Variants in OCA2 observed in about 807,000 individuals in gnomAD.
OCA2 encodes the protein P protein.
In OCA2, 77 loss-of-function variants were observed where a neutral mutation model predicts 100.2. The observed-to-expected ratio is 0.77, with a 90% CI of 0.64 to 0.93. The LOEUF (loss-of-function observed/expected upper bound fraction) is 0.93, where lower values mean the gene tolerates loss of function less well. Among genes scored for constraint, OCA2 ranks in the 40% least tolerant of loss-of-function variants. The probability of loss-of-function intolerance (pLI) is 0.00; values close to 1 mark genes in which losing one functional copy is unlikely to be tolerated. For synonymous variants in OCA2, 432 were observed against 439.2 expected, an observed-to-expected ratio of 0.98 and a Z score of 0.21; for missense variants, 1,062 against 1,089.1, an observed-to-expected ratio of 0.98 and a Z score of 0.35.
intron 9 of OCA2, among the ~76,000 whole-genome samples, chr15:28,001,532 T>TTC (rs996904788): frequency 5.6e-4 from 86 of 152,300 alleles, no homozygotes; most frequent in African/African-American, 2.0e-3. Context: ...TTGGATTTAA[T>TTC]TCTACATTTC....
Position 27,913,891 on chromosome 15 carries a change from G to GAAAGAA in OCA2, c.2079+12235_2079+12236insTTCTTT, listed in dbSNP as rs1567098419. ...AGAAAGAAAGAAAGAAAGAAAGAAA[G>GAAAGAA]AAAGCAAGCAAGCAAGCAAGCAAGC... On this transcript the variant is annotated intron_variant, in intron 19 of 23. Coordinates refer to ENST00000354638, the MANE Select transcript of OCA2 (RefSeq NM_000275.3). Among the ~76,000 whole-genome samples the GAAAGAA allele has an allele frequency of 4.6e-3, 194 of 42,044 alleles. 12 individuals are homozygous for GAAAGAA. Among genetic ancestry groups the GAAAGAA allele is most frequent in the East Asian group, 0.019 (5 of 264 alleles). 27.6% of individuals were successfully genotyped at this position (42,044 alleles called of 152,430 possible).
At chr15:27,941,747 T>C (rs183973106) in intron 18 of OCA2, among the ~76,000 whole-genome samples, 5 of 152,284 alleles carry the variant, frequency 3.3e-5, no homozygotes, top group Admixed American at 6.5e-5. Context: ...GAGATTCAAA[T>C]GGGCAAAAAT....
the OCA2 span, among the ~76,000 whole-genome samples, chr15:27,734,921 C>T: frequency 1.3e-5 from 2 of 152,280 alleles, no homozygotes; most frequent in African/African-American, 4.8e-5. Context: ...TTGAAATGCA[C>T]AAACATCAAC....
Position 27,871,856 on chromosome 15 carries a change from A to G in OCA2, c.2139+7T>C. The G allele has an allele frequency of 1.3e-6, 2 of 1,574,674 alleles. No individual in the cohort carries two copies. The highest frequency in any genetic ancestry group is 1.7e-6 in the Non-Finnish European group (2 of 1,145,430). On this transcript the variant is annotated splice_region_variant and intron_variant, in intron 20 of 23. Coordinates refer to ENST00000354638, the MANE Select transcript of OCA2 (RefSeq NM_000275.3). ...TGGAGTGCCTTCTATTATAGCATTT[A>G]TTTTACCTTTATTAGCAAAGCAGTT...
At chr15:27,885,831 G>T (rs1348999930) in intron 19 of OCA2, among the ~76,000 whole-genome samples, 6 of 152,192 alleles carry the variant, frequency 3.9e-5, no homozygotes, top group African/African-American at 9.7e-5. Context: ...ACACACATTT[G>T]CTGATCTCCT....
At chr15:27,951,695 T>G (rs539472276) in intron 18 of OCA2, 89 bp downstream of exon 18, 2 of 980,318 alleles carry the variant, frequency 2.0e-6, no homozygotes, top group Admixed American at 3.8e-5. Context: ...CGGCTGCCTG[T>G]GGGCAAAGTC....
At chr15:27,737,022 CA>C in the OCA2 span, among the ~76,000 whole-genome samples, 2 of 151,998 alleles carry the variant, frequency 1.3e-5, no homozygotes, top group African/African-American at 2.4e-5. Context: ...CCAACACATA[CA>C]AAAAAATCAA....
At chr15:27,769,527 C>T (rs566887929) in intron 23 of OCA2, among the ~76,000 whole-genome samples, 3 of 152,076 alleles carry the variant, frequency 2.0e-5, no homozygotes, top group Non-Finnish European at 4.4e-5. Context: ...CAAAAGACTA[C>T]ACATTGGGTG....
intron 2 of OCA2, among the ~76,000 whole-genome samples, chr15:28,060,721 T>C (rs2043847958): frequency 6.6e-6 from 1 of 152,236 alleles, no homozygotes; most frequent in South Asian, 2.1e-4. Context: ...CTTGCTCTAC[T>C]GCCATATCCC....
At chr15:28,074,795 C>G (rs2044380667) in intron 2 of OCA2, among the ~76,000 whole-genome samples, 1 of 151,766 alleles carries the variant, frequency 6.6e-6, no homozygotes, top group South Asian at 2.1e-4. Context: ...TGCAGTAAGC[C>G]GAGATAACAC....
At chr15:28,025,778 T>C (rs1216528611) in intron 4 of OCA2, among the ~76,000 whole-genome samples, 1 of 152,266 alleles carries the variant, frequency 6.6e-6, no homozygotes, top group African/African-American at 2.4e-5. Context: ...AGGATGCTGG[T>C]ACATAGCCCA....
intron 14 of OCA2, among the ~76,000 whole-genome samples, chr15:27,979,868 G>GTTTTTTTTTTTTTTTTTTTT: frequency 9.3e-6 from 1 of 108,032 alleles, no homozygotes; most frequent in Non-Finnish European, 1.9e-5. Flanking sequence ...CCCAGCTAGT[G>GTTTTTTTTTTTTTTTTTTTT]TTTTTTTTTT....
intron 2 of OCA2, among the ~76,000 whole-genome samples, chr15:28,036,102 C>T (rs1161601587): frequency 6.6e-6 from 1 of 152,174 alleles, no homozygotes; most frequent in Non-Finnish European, 1.5e-5. Flanking sequence ...CAAATATTAG[C>T]TATTCTTCTA....
rs73374163 is a variant in OCA2 at position 27,894,766 on chromosome 15, A to T, written c.2080-22844T>A. Among the ~76,000 whole-genome samples the T allele has an allele frequency of 7.2e-3, 1,103 of 152,208 alleles. 6 individuals carry two copies. Among genetic ancestry groups the T allele is most frequent in the African/African-American group, 0.025 (1,049 of 41,536 alleles). ...TATGGCTGGGCCTTTCATCCAAATG[A>T]TGTGTGATTGTGACGTACACCTCTG... On this transcript the variant is annotated intron_variant, in intron 19 of 23. Coordinates refer to ENST00000354638, the MANE Select transcript of OCA2 (RefSeq NM_000275.3).
intron 14 of OCA2, among the ~76,000 whole-genome samples, chr15:27,969,134 A>G (rs924398173): frequency 3.9e-5 from 6 of 152,244 alleles, no homozygotes; most frequent in African/African-American, 1.4e-4. Context: ...CTATATCCTG[A>G]GTAATTCTTG....
chr15:27,918,667 T>C (rs1490007303), intron 19 of OCA2, among the ~76,000 whole-genome samples: 1 of 152,242 alleles, frequency 6.6e-6, no homozygotes, highest in Non-Finnish European at 1.5e-5. Context: ...GAACTTTTTT[T>C]AATCAACAGA....
intron 2 of OCA2, among the ~76,000 whole-genome samples, chr15:28,071,474 CA>C (rs1017606837): frequency 1.3e-5 from 2 of 152,124 alleles, no homozygotes; most frequent in African/African-American, 2.4e-5. Flanking sequence ...AATCTTAAAG[CA>C]AAAAGAACAC....
At chr15:28,088,922 A>T (rs2044825183) in intron 1 of OCA2, among the ~76,000 whole-genome samples, 1 of 152,270 alleles carries the variant, frequency 6.6e-6, no homozygotes, top group Non-Finnish European at 1.5e-5. Context: ...ATTAGGTGGG[A>T]ATTTCCTCAT....
intron 18 of OCA2, among the ~76,000 whole-genome samples, chr15:27,939,864 C>G (rs2140485390): frequency 6.6e-6 from 1 of 152,338 alleles, no homozygotes; most frequent in East Asian, 1.9e-4. Flanking sequence ...GAATGCCACA[C>G]AACTTGGATC....
Sources: gnomAD v4.1 joint callset for allele counts (sites outside exome capture counted in the v4.1 genomes callset) on GRCh38, gnomAD v4.1.1 for gene constraint, MANE v1.5 for transcripts, NCBI Gene and HGNC (gene_info 2026-07-23, HGNC 2026-07-21) for gene names.